VRTN: variants seen among roughly 807,000 people sequenced by gnomAD.
VRTN encodes the protein vertebrae development associated, also known as vertnin.
A neutral mutation model predicts 18.2 loss-of-function variants in VRTN; 5 were observed. That is an observed-to-expected ratio of 0.27 (90% confidence interval 0.14 to 0.58). The LOEUF (loss-of-function observed/expected upper bound fraction) is 0.58, where lower values mean the gene tolerates loss of function less well. Among genes scored for constraint, VRTN ranks in the 20% least tolerant of loss-of-function variants. VRTN has a pLI of 0.91. For missense variants in VRTN, 741 were observed against 939.4 expected (o/e 0.79, Z 2.76); for synonymous variants, 381 against 393.7 (o/e 0.97, Z 0.38).
chr14:74,303,843 A>ATTTTTTT lies in VRTN; in HGVS notation c.-164+686_-164+692dup, dbSNP rs67822776. 8.3e-4 allele frequency among the ~76,000 whole-genome samples: 73 copies of ATTTTTTT among 88,476 alleles called. 1 individual carries two copies. The highest frequency in any genetic ancestry group is 2.8e-3 in the African/African-American group (54 of 19,328). The allele number at this position is 88,476 out of a possible 152,430, so 58.0% of individuals were successfully genotyped here. ...TAGGTCAATCAGTTGACAATTACAG[A>ATTTTTTT]TTTTTTTTTTTTTTTTTTTTTTTTT... On this transcript the variant is annotated intron_variant, in intron 1 of 2. Coordinates refer to the VRTN transcript ENST00000557177.
At chr14:74,346,742 A>T (rs2085646880), upstream of VRTN, among the ~76,000 whole-genome samples, 1 of 152,226 alleles carries the variant, frequency 6.6e-6, no homozygotes, top group Non-Finnish European at 1.5e-5. Flanking sequence ...TTTACTTTAA[A>T]AAAATTTCCC....
At chr14:74,325,789 AG>A (rs1216032218) in intron 1 of VRTN, among the ~76,000 whole-genome samples, 3 of 152,146 alleles carry the variant, frequency 2.0e-5, no homozygotes, top group Non-Finnish European at 4.4e-5. Flanking sequence ...AAAGAAAAAA[AG>A]AGGAAAGAAA....
intron 1 of VRTN, among the ~76,000 whole-genome samples, chr14:74,310,257 C>T (rs1375177207): frequency 3.3e-5 from 5 of 151,718 alleles, no homozygotes; most frequent in Admixed American, 6.6e-5. Flanking sequence ...ATTAGCCAGG[C>T]GTGGTGGCAC....
At chr14:74,355,867 T>A (rs2085723709) in intron 1 of VRTN, among the ~76,000 whole-genome samples, 1 of 151,568 alleles carries the variant, frequency 6.6e-6, no homozygotes, top group Non-Finnish European at 1.5e-5. Context: ...GTCTCATTCC[T>A]GTCACCCTGG....
chr14:74,358,278 C>G lies in VRTN; in HGVS notation c.1495C>G (p.Pro499Ala). 1 of 1,611,072 alleles carries G rather than the reference C, an allele frequency of 6.2e-7. No individual in the cohort carries two copies. The highest frequency in any genetic ancestry group is 8.5e-7 in the Non-Finnish European group (1 of 1,178,218). Residue 499 changes from proline to alanine, a missense_variant, in exon 2 of 2, where the codon CCA (proline) becomes GCA (alanine). Physicochemically the swap from Pro to Ala is conservative, Grantham distance 27 (BLOSUM62 -1). Transcript: ENST00000256362. The surrounding 1 kb of genome is among the most constrained non-coding windows in gnomAD (Gnocchi z 5.4). Reference sequence around the variant, plus strand: ...CCCTCCCGCCCCCGGGGAGCTCCTGCCACTAAGGATGCCCCTGTCCCGTTG... The same window carrying G: ...CCCTCCCGCCCCCGGGGAGCTCCTGGCACTAAGGATGCCCCTGTCCCGTTG... ...EDPPAPGELLPLRMPLSRWQR... is the reference protein window; with the variant it reads ...EDPPAPGELLALRMPLSRWQR...
At chr14:74,335,024 G>C (rs1043892926) in intron 1 of VRTN, among the ~76,000 whole-genome samples, 4 of 152,164 alleles carry the variant, frequency 2.6e-5, no homozygotes, top group African/African-American at 9.7e-5. Flanking sequence ...GCTCACACCT[G>C]TAATCCCAGC....
chr14:74,340,474 G>C (rs1333498476), intron 2 of VRTN, among the ~76,000 whole-genome samples: 1 of 151,022 alleles, frequency 6.6e-6, no homozygotes, highest in Non-Finnish European at 1.5e-5. Context: ...TTGAACTCCT[G>C]AGAGGTGATC....
At chr14:74,344,733 TA>T (rs60479764), upstream of VRTN, among the ~76,000 whole-genome samples, 107 of 54,000 alleles carry the variant, frequency 2.0e-3, no homozygotes, top group Middle Eastern at 8.6e-3. Flanking sequence ...AGACTCTGAC[TA>T]AAAAAAAAAA....
rs1278678428 is a variant in VRTN at position 74,348,665 on chromosome 14, G to A, written c.-2+13G>A. The A allele has an allele frequency of 6.6e-6, 1 of 152,332 alleles. No individual in the cohort carries two copies. The highest frequency in any genetic ancestry group is 6.5e-5 in the Admixed American group (1 of 15,284). The allele number at this position is 152,332 out of a possible 1,614,324, so 9.4% of individuals were successfully genotyped here. On this transcript the variant is annotated intron_variant, in intron 1 of 1. Transcript: ENST00000256362. The stretch of plus-strand genomic sequence containing the variant: ...GGTCACACTCCAGGTCAGTAAAACA[G>A]CGAGTTTCCTCAAAACTAGGAAGGG...
At chr14:74,337,867 T>C (rs1187530727) in exon 2 of VRTN, 1 of 152,152 alleles carries the variant, frequency 6.6e-6, no homozygotes, top group African/African-American at 2.4e-5. Context: ...TTCCCTGAAG[T>C]GGGAGCCTGG....
intron 1 of VRTN, among the ~76,000 whole-genome samples, chr14:74,318,048 G>C (rs2085428805): frequency 6.6e-6 from 1 of 152,170 alleles, no homozygotes; most frequent in African/African-American, 2.4e-5. Context: ...GAGCCCAGGA[G>C]TTCAAGGCTG....
At chr14:74,344,638 G>A (rs955536207), upstream of VRTN, among the ~76,000 whole-genome samples, 10 of 144,440 alleles carry the variant, frequency 6.9e-5, no homozygotes, top group Admixed American at 5.9e-4. Flanking sequence ...AGGAGGCTGA[G>A]GCAGGAGAAT....
intron 1 of VRTN, among the ~76,000 whole-genome samples, chr14:74,356,272 C>T (rs1157846665): frequency 6.6e-6 from 1 of 152,156 alleles, no homozygotes. Flanking sequence ...CAACCTCTGC[C>T]TCCTGGGTTT....
intron 1 of VRTN, among the ~76,000 whole-genome samples, chr14:74,308,866 GTTTTT>G (rs11290399): frequency 1.4e-5 from 2 of 144,780 alleles, no homozygotes; most frequent in East Asian, 2.0e-4. Flanking sequence ...ACTTCTGTTT[GTTTTT>G]TTTTTTTTTT....
Position 74,358,420 on chromosome 14 carries a change from G to T in VRTN, c.1637G>T (p.Ser546Ile), listed in dbSNP as rs1159429284. 2 of 1,614,084 alleles carry T rather than the reference G, an allele frequency of 1.2e-6. No homozygotes were observed. The highest frequency in any genetic ancestry group is 2.2e-5 in the South Asian group (2 of 91,094). Residue 546 changes from serine to isoleucine, a missense_variant, in exon 2 of 2, where the codon AGT (serine) becomes ATT (isoleucine). This residue lies in a region of VRTN where 494 missense variants were observed against 546.5 expected (regional missense o/e 0.90). Transcript: ENST00000256362. This position sits in a 1 kb window ranked among gnomAD's most constrained non-coding sequence, Gnocchi z 5.4. ...LSPSAFWVWK[S>I]LARGWPRGLS... ...CCTTCTGCCTTTTGGGTCTGGAAGAGTCTTGCTCGGGGTTGGCCCAGAGGC... is the reference window on the plus strand; with the variant it reads ...CCTTCTGCCTTTTGGGTCTGGAAGATTCTTGCTCGGGGTTGGCCCAGAGGC...
At chr14:74,314,558 G>A (rs1022095722) in intron 1 of VRTN, among the ~76,000 whole-genome samples, 2 of 151,574 alleles carry the variant, frequency 1.3e-5, no homozygotes, top group African/African-American at 2.4e-5. Flanking sequence ...CACCATACCC[G>A]GCTAAATTTT....
At chr14:74,347,292 C>T (rs953204217), upstream of VRTN, among the ~76,000 whole-genome samples, 1 of 152,230 alleles carries the variant, frequency 6.6e-6, no homozygotes, top group Non-Finnish European at 1.5e-5. Flanking sequence ...CCAAGACACC[C>T]GCTAAGCCAC....
rs1253654989 is a variant in VRTN at position 74,335,611 on chromosome 14, G to C, written c.-163-2112G>C. Among the ~76,000 whole-genome samples, 3 of 152,108 alleles carry C rather than the reference G, an allele frequency of 2.0e-5. No homozygotes were observed. The East Asian group carries it at 5.8e-4, about 29-fold the overall frequency. ...TTACAGATGAGGAAATTAAGGCTCA[G>C]TAGAGCTGGGATTTAAACCCATGTT... On this transcript the variant is annotated intron_variant, in intron 1 of 2. Transcript: ENST00000557177.
rs71115982 is a variant in VRTN at position 74,320,249 on chromosome 14, C to CTT, written c.-164+17101_-164+17102dup. ...TGGGTGACAGAGCAAGATCCCATCC[C>CTT]TTTTTTTTTTTTTTTTTTTTTTTTT... On this transcript the variant is annotated intron_variant, in intron 1 of 2. Coordinates refer to the VRTN transcript ENST00000557177. 4.2e-3 allele frequency among the ~76,000 whole-genome samples: 306 copies of CTT among 72,744 alleles called. 23 individuals are homozygous for CTT. Among genetic ancestry groups the CTT allele is most frequent in the East Asian group, 8.9e-3 (13 of 1,462 alleles). The allele number at this position is 72,744 out of a possible 152,430, so 47.7% of individuals were successfully genotyped here.
Sources: gnomAD v4.1 joint callset for allele counts (sites outside exome capture counted in the v4.1 genomes callset) on GRCh38, gnomAD v4.1.1 for gene constraint, gnomAD v4.1.1 regional missense constraint, Gnocchi (gnomAD v3.1) non-coding constraint, MANE v1.5 for transcripts, NCBI Gene and HGNC (gene_info 2026-07-23, HGNC 2026-07-21) for gene names.